The following HPSE2 variants were observed in gnomAD, a reference collection of about 807,000 sequenced individuals.
The protein encoded by HPSE2 is inactive heparanase-2.
In HPSE2, 38 loss-of-function variants were observed where a neutral mutation model predicts 60.5. That is an observed-to-expected ratio of 0.63 (90% CI 0.48 to 0.82). The LOEUF is 0.82. Ranked by LOEUF, HPSE2 falls within the 40% of genes least tolerant of loss-of-function variation. HPSE2 has a pLI of 0.00. For synonymous variants in HPSE2, 295 were observed against 293.2 expected (o/e 1.01, Z -0.06); for missense variants, 713 against 740.4 (o/e 0.96, Z 0.43).
chr10:99,097,971 T>C (rs933790275), intron 3 of HPSE2, among the ~76,000 whole-genome samples: 3 of 152,234 alleles, frequency 2.0e-5, no homozygotes, highest in Non-Finnish European at 4.4e-5. Flanking sequence ...TCTATGGCTA[T>C]AACTTATTTT....
At chr10:98,668,682 G>A (rs911592083) in intron 6 of HPSE2, among the ~76,000 whole-genome samples, 1 of 152,154 alleles carries the variant, frequency 6.6e-6, no homozygotes, top group Admixed American at 6.5e-5. Flanking sequence ...AATCAACGGT[G>A]CTGGAATAAC....
chr10:98,948,407 G>T (rs1406139703), intron 3 of HPSE2, among the ~76,000 whole-genome samples: 1 of 152,166 alleles, frequency 6.6e-6, no homozygotes, highest in Non-Finnish European at 1.5e-5. Context: ...GTGGAGATGA[G>T]TGCTTCCAAA....
chr10:98,704,606 A>C (rs1270292807), intron 5 of HPSE2, among the ~76,000 whole-genome samples: 1 of 152,128 alleles, frequency 6.6e-6, no homozygotes, highest in East Asian at 1.9e-4. Context: ...ATATAACACC[A>C]CACATCTACA....
intron 3 of HPSE2, among the ~76,000 whole-genome samples, chr10:99,108,529 TA>T (rs1844335698): frequency 6.6e-6 from 1 of 152,222 alleles, no homozygotes; most frequent in South Asian, 2.1e-4. Context: ...ATCATAATTC[TA>T]TTAAAAACAC....
the HPSE2 span, among the ~76,000 whole-genome samples, chr10:99,301,274 C>T: frequency 1.3e-5 from 2 of 152,174 alleles, no homozygotes; most frequent in African/African-American, 4.8e-5. Flanking sequence ...CTACAGTAAA[C>T]TAATGGGTCC....
At chr10:98,487,726 C>T (rs766448987) in intron 10 of HPSE2, among the ~76,000 whole-genome samples, 62 of 152,226 alleles carry the variant, frequency 4.1e-4, no homozygotes, top group Non-Finnish European at 3.1e-4. Context: ...TCAGAGTATT[C>T]GTCAAGGTTG....
At chr10:98,549,212 T>C (rs550262937) in intron 9 of HPSE2, among the ~76,000 whole-genome samples, 2 of 152,268 alleles carry the variant, frequency 1.3e-5, no homozygotes, top group African/African-American at 4.8e-5. Flanking sequence ...CTAAAAAAAA[T>C]TGAGCCTTAG....
At chr10:99,301,089 C>T in the HPSE2 span, among the ~76,000 whole-genome samples, 1 of 152,170 alleles carries the variant, frequency 6.6e-6, no homozygotes, top group African/African-American at 2.4e-5. Context: ...CTTATTGGTT[C>T]ATAGTGTTAG....
intron 9 of HPSE2, among the ~76,000 whole-genome samples, chr10:98,600,911 G>GTATGTA (rs1945395866): frequency 2.7e-5 from 2 of 73,702 alleles, no homozygotes; most frequent in African/African-American, 7.4e-5. Flanking sequence ...ATGTGTGTGT[G>GTATGTA]TATATATATA....
intron 3 of HPSE2, among the ~76,000 whole-genome samples, chr10:99,081,706 G>A (rs1843147989): frequency 1.3e-5 from 2 of 151,648 alleles, no homozygotes; most frequent in East Asian, 1.9e-4. Flanking sequence ...GCGTGATCTC[G>A]GCTCACTGCA....
At chr10:98,942,878 A>G (rs1349384569) in intron 3 of HPSE2, among the ~76,000 whole-genome samples, 1 of 151,976 alleles carries the variant, frequency 6.6e-6, no homozygotes, top group African/African-American at 2.4e-5. Context: ...TGGCACATAT[A>G]CACCATGGAA....
At chr10:98,774,431 CTCTT>C (rs1950300132) in intron 3 of HPSE2, among the ~76,000 whole-genome samples, 1 of 152,164 alleles carries the variant, frequency 6.6e-6, no homozygotes, top group African/African-American at 2.4e-5. Flanking sequence ...TGTCAGCTCT[CTCTT>C]TCTCTCTCTT....
intron 4 of HPSE2, among the ~76,000 whole-genome samples, chr10:98,732,456 A>G (rs1320691425): frequency 2.0e-5 from 3 of 152,224 alleles, no homozygotes; most frequent in Middle Eastern, 3.2e-3. Flanking sequence ...GCGGAACAGA[A>G]TTAAGAGTAT....
chr10:98,864,083 T>C (rs1471958362), intron 3 of HPSE2, among the ~76,000 whole-genome samples: 3 of 152,092 alleles, frequency 2.0e-5, no homozygotes, highest in Admixed American at 1.3e-4. Flanking sequence ...AGTCCACATG[T>C]TTGGAATCAT....
At chr10:99,299,080 T>C in the HPSE2 span, among the ~76,000 whole-genome samples, 1 of 152,108 alleles carries the variant, frequency 6.6e-6, no homozygotes, top group Non-Finnish European at 1.5e-5. Context: ...TCAGCTATCC[T>C]AGATGAACCC....
the HPSE2 span, among the ~76,000 whole-genome samples, chr10:99,274,625 A>G: frequency 2.0e-5 from 3 of 152,062 alleles, no homozygotes; most frequent in Non-Finnish European, 4.4e-5. Flanking sequence ...TGACTGTCAT[A>G]TACGTTAAAA....
At chr10:98,672,424 G>A (rs1309218652) in intron 6 of HPSE2, among the ~76,000 whole-genome samples, 1 of 152,138 alleles carries the variant, frequency 6.6e-6, no homozygotes, top group Non-Finnish European at 1.5e-5. Flanking sequence ...AATGACATTT[G>A]TTTATGTTTG....
intron 4 of HPSE2, among the ~76,000 whole-genome samples, chr10:98,728,680 G>A (rs1234676864): frequency 2.0e-5 from 3 of 152,048 alleles, no homozygotes; most frequent in Non-Finnish European, 4.4e-5. Flanking sequence ...ATTGTGATGA[G>A]TTAAGATGTA....
At chr10:99,223,651 T>C (rs1849382794) in intron 2 of HPSE2, among the ~76,000 whole-genome samples, 1 of 152,234 alleles carries the variant, frequency 6.6e-6, no homozygotes, top group Non-Finnish European at 1.5e-5. Context: ...AATGTGTCTG[T>C]TCCATGCAGT....
Sources: allele counts gnomAD v4.1 joint callset (sites outside exome capture counted in the v4.1 genomes callset), GRCh38; gene constraint gnomAD v4.1.1; transcripts MANE v1.5; gene names NCBI Gene and HGNC (gene_info 2026-07-23, HGNC 2026-07-21).